SLCO3A1: variants seen among roughly 807,000 people sequenced by gnomAD.
The protein encoded by SLCO3A1 is PGE1 transporter.
A neutral mutation model predicts 63.1 loss-of-function variants in SLCO3A1; 27 were observed. The observed-to-expected ratio is 0.43, with a 90% CI of 0.32 to 0.59. The LOEUF is 0.59. SLCO3A1 is among the 20% of genes least tolerant of loss of function. SLCO3A1 has a pLI of 0.09. For synonymous variants in SLCO3A1, 473 were observed against 409.9 expected, an observed-to-expected ratio of 1.15 and a Z score of -1.86; for missense variants, 773 against 945.8, an observed-to-expected ratio of 0.82 and a Z score of 2.40.
At chr15:91,922,863 A>C (rs916924722) in intron 2 of SLCO3A1, among the ~76,000 whole-genome samples, 1 of 152,146 alleles carries the variant, frequency 6.6e-6, no homozygotes, top group African/African-American at 2.4e-5. Context: ...TGCCATTTTC[A>C]GTGTGTTTGT....
chr15:92,104,163 C>A, intron 3 of SLCO3A1, 116 bp from the exon 4 acceptor site: 3 of 1,218,308 alleles, frequency 2.5e-6, no homozygotes, highest in Non-Finnish European at 3.5e-6. Flanking sequence ...GTGTTCCCGA[C>A]CGCAAGTCAT....
intron 2 of SLCO3A1, among the ~76,000 whole-genome samples, chr15:92,011,827 C>T (rs1185860555): frequency 6.6e-6 from 1 of 152,272 alleles, no homozygotes; most frequent in Non-Finnish European, 1.5e-5. Context: ...CAGTGGCTAG[C>T]AGCCCTCTAG....
intron 2 of SLCO3A1, among the ~76,000 whole-genome samples, chr15:91,952,293 C>G (rs1026613029): frequency 6.6e-6 from 1 of 152,152 alleles, no homozygotes; most frequent in Non-Finnish European, 1.5e-5. Flanking sequence ...CAAATGTTTT[C>G]TGTCATCCTG....
chr15:92,114,838 A>G (rs1596113869), intron 4 of SLCO3A1, among the ~76,000 whole-genome samples: 1 of 152,132 alleles, frequency 6.6e-6, no homozygotes, highest in East Asian at 1.9e-4. Context: ...GGCTGACCTT[A>G]GTTCAAATCC....
In SLCO3A1 at chr15:92,083,285, T is replaced by C. The variant is rs147415896; in HGVS notation, c.647-11596T>C. 1.8e-3 allele frequency among the ~76,000 whole-genome samples: 267 copies of C among 152,342 alleles called. 1 individual carries two copies. Among genetic ancestry groups the C allele is most frequent in the African/African-American group, 6.0e-3 (249 of 41,580 alleles). On this transcript the variant is annotated intron_variant, in intron 2 of 9. Transcript: ENST00000318445. ...CAAAGGGATCTCTCATTTTGTCAAGTACAGAACCCTCAGCTCTGCCCTTCT... is the reference window on the plus strand; with the variant it reads ...CAAAGGGATCTCTCATTTTGTCAAGCACAGAACCCTCAGCTCTGCCCTTCT...
chr15:91,932,695 G>A (rs944115965), intron 2 of SLCO3A1, among the ~76,000 whole-genome samples: 7 of 152,250 alleles, frequency 4.6e-5, no homozygotes, highest in South Asian at 2.1e-4. Flanking sequence ...TGCCTGCCTC[G>A]GCCTCCCAAA....
chr15:91,955,524 G>A (rs918961263), intron 2 of SLCO3A1, among the ~76,000 whole-genome samples: 11 of 151,992 alleles, frequency 7.2e-5, no homozygotes, highest in African/African-American at 2.4e-4. Flanking sequence ...GTAGAGATGG[G>A]GTTTCACTAT....
At chr15:92,043,094 A>G (rs1043419697) in intron 2 of SLCO3A1, among the ~76,000 whole-genome samples, 2 of 151,932 alleles carry the variant, frequency 1.3e-5, no homozygotes, top group African/African-American at 4.8e-5. Flanking sequence ...CATTTGGCCC[A>G]GTTGTTTGAG....
chr15:92,083,137 T>A (rs2047366483), intron 2 of SLCO3A1, among the ~76,000 whole-genome samples: 1 of 152,176 alleles, frequency 6.6e-6, no homozygotes, highest in South Asian at 2.1e-4. Context: ...TGTAAAGAGG[T>A]AGAAGCCGTC....
At position 91,886,588 on chromosome 15, in the gene SLCO3A1, G is replaced by A. The variant is rs1897730851; in HGVS notation, c.181-29405G>A. ...TCAGCGTCAGTGTTGTTTCTACGGTGTGACCATATTTGATGTGCTTACTGA... is the reference window on the plus strand; with the variant it reads ...TCAGCGTCAGTGTTGTTTCTACGGTATGACCATATTTGATGTGCTTACTGA... On this transcript the variant is annotated intron_variant, in intron 1 of 9. Transcript: ENST00000318445. The surrounding 1 kb of genome is among the most constrained non-coding windows in gnomAD (Gnocchi z 4.9). Among the ~76,000 whole-genome samples, 1 of 152,192 alleles carries A rather than the reference G, an allele frequency of 6.6e-6. No homozygotes were observed. The highest frequency in any genetic ancestry group is 2.4e-5 in the African/African-American group (1 of 41,448).
At chr15:91,926,594 T>TGCGC (rs1352169003) in intron 2 of SLCO3A1, among the ~76,000 whole-genome samples, 7 of 94,180 alleles carry the variant, frequency 7.4e-5, no homozygotes, top group African/African-American at 2.0e-4. Flanking sequence ...TGTGTGTGTG[T>TGCGC]GTGCGCGCGC....
At position 92,046,994 on chromosome 15, in the gene SLCO3A1, A is replaced by AATAT. The variant is rs200173154; in HGVS notation, c.647-47877_647-47874dup. The stretch of plus-strand genomic sequence containing the variant: ...TGGCCATTAAATATATGTATATATA[A>AATAT]ATATATATATATAAATATATATATA... On this transcript the variant is annotated intron_variant, in intron 2 of 9. Coordinates refer to ENST00000318445, the MANE Select transcript of SLCO3A1 (RefSeq NM_013272.4). Among the ~76,000 whole-genome samples, 34 of 74,418 alleles carry AATAT rather than the reference A, an allele frequency of 4.6e-4. 1 individual carries two copies. The highest frequency in any genetic ancestry group is 1.9e-3 in the African/African-American group (33 of 17,570). The allele number at this position is 74,418 out of a possible 152,430, so 48.8% of individuals were successfully genotyped here.
intron 2 of SLCO3A1, among the ~76,000 whole-genome samples, chr15:92,086,662 GT>G (rs1474620667): frequency 1.4e-4 from 22 of 152,198 alleles, no homozygotes; most frequent in African/African-American, 5.1e-4. Context: ...TCAATAGCTA[GT>G]GTTTTTTAAG....
intron 1 of SLCO3A1, among the ~76,000 whole-genome samples, chr15:91,866,997 C>T (rs988141427): frequency 4.6e-5 from 7 of 152,068 alleles, no homozygotes; most frequent in Admixed American, 1.3e-4. Context: ...AGGCTGGCTG[C>T]GGAGAGTCAT....
intron 1 of SLCO3A1, among the ~76,000 whole-genome samples, chr15:91,881,591 G>C (rs1205778567): frequency 6.8e-6 from 1 of 147,628 alleles, no homozygotes. Context: ...AGAAAGAAAG[G>C]GTTTTTAGCC....
intron 1 of SLCO3A1, among the ~76,000 whole-genome samples, chr15:91,857,619 T>A (rs1208595365): frequency 2.0e-5 from 3 of 152,206 alleles, no homozygotes; most frequent in African/African-American, 7.2e-5. Context: ...TGCAGGCATA[T>A]GAGAACTGCA....
At chr15:92,097,471 T>G (rs1218271638) in intron 3 of SLCO3A1, among the ~76,000 whole-genome samples, 1 of 152,218 alleles carries the variant, frequency 6.6e-6, no homozygotes, top group Admixed American at 6.5e-5. Context: ...CAGCCTGGAA[T>G]GCTGTTCCCA....
downstream of SLCO3A1, among the ~76,000 whole-genome samples, chr15:92,167,976 T>C (rs2151608554): frequency 6.6e-6 from 1 of 152,366 alleles, no homozygotes; most frequent in African/African-American, 2.4e-5. Flanking sequence ...ATGAGTTTGA[T>C]ATATTCAAAA....
chr15:91,913,383 C>T (rs1275518727), intron 1 of SLCO3A1, among the ~76,000 whole-genome samples: 1 of 152,200 alleles, frequency 6.6e-6, no homozygotes, highest in South Asian at 2.1e-4. Context: ...ATTAGAATCA[C>T]CTGGGAGCTT....
Sources: allele counts gnomAD v4.1 joint callset (sites outside exome capture counted in the v4.1 genomes callset), GRCh38; gene constraint gnomAD v4.1.1; non-coding constraint Gnocchi (gnomAD v3.1); transcripts MANE v1.5; gene names NCBI Gene and HGNC (gene_info 2026-07-23, HGNC 2026-07-21).